The following CYREN variants were observed in gnomAD, a reference collection of about 807,000 sequenced individuals.
CYREN encodes cell cycle regulator of NHEJ, also known as cell cycle regulator of non-homologous end joining.
A neutral mutation model predicts 9.7 loss-of-function variants in CYREN; 7 were observed. The observed-to-expected ratio is 0.72, with a 90% confidence interval of 0.41 to 1.36. The LOEUF (loss-of-function observed/expected upper bound fraction) is 1.36, where lower values mean the gene tolerates loss of function less well. Ranked by LOEUF, CYREN falls within the 40% of genes most tolerant of loss-of-function variation. CYREN has a pLI of 0.01. For synonymous variants in CYREN, 76 were observed against 77.9 expected, an observed-to-expected ratio of 0.98 and a Z score of 0.13; for missense variants, 215 against 198.1, an observed-to-expected ratio of 1.09 and a Z score of -0.51.
Position 135,168,919 on chromosome 7 carries a change from C to T in CYREN, c.4G>A (p.Glu2Lys), listed in dbSNP as rs780210427. M[E>K]TLQSETKTRV... ...GTTTTAGTCTCGGATTGTAAGGTTT[C>T]CATCTCTGTACCTTCTCACAAAGAA... The change falls in exon 2 of 4, where the codon GAA (glutamate) becomes AAA (lysine). Residue 2 changes from glutamate to lysine, a missense_variant. By Grantham distance (56) the Glu-to-Lys change is moderately conservative. Coordinates refer to ENST00000393114, the MANE Select transcript of CYREN (RefSeq NM_024033.4). 1 of 1,604,604 alleles carries T rather than the reference C, an allele frequency of 6.2e-7. No individual in the cohort carries two copies. Among genetic ancestry groups the T allele is most frequent in the African/African-American group, 1.3e-5 (1 of 74,486 alleles).
chr7:135,101,951 A>G (rs1329613126), intron 2 of CYREN, among the ~76,000 whole-genome samples: 5 of 152,222 alleles, frequency 3.3e-5, no homozygotes, highest in African/African-American at 1.2e-4. Flanking sequence ...TGGTTTTATA[A>G]GGGGTTTCCG....
chr7:135,121,552 GA>G (rs76824052), intron 2 of CYREN, among the ~76,000 whole-genome samples: 627 of 123,540 alleles, frequency 5.1e-3, no homozygotes, highest in East Asian at 0.016. Context: ...AGGGTAATAG[GA>G]AAAAAAAAAA....
At chr7:135,152,358 A>T (rs2117429153) in intron 2 of CYREN, among the ~76,000 whole-genome samples, 1 of 152,358 alleles carries the variant, frequency 6.6e-6, no homozygotes, top group South Asian at 2.1e-4. Flanking sequence ...GAGTTAATGC[A>T]CGTAAAGGGC....
At chr7:135,171,311 T>TTG (rs1432000566), upstream of CYREN, among the ~76,000 whole-genome samples, 1 of 12,876 alleles carries the variant, frequency 7.8e-5, no homozygotes, top group East Asian at 0.015. Context: ...CAGTACCTGT[T>TTG]TTTTTTTTTT....
chr7:135,159,491 T>C (rs1829875635), intron 2 of CYREN, among the ~76,000 whole-genome samples: 1 of 152,218 alleles, frequency 6.6e-6, no homozygotes, highest in African/African-American at 2.4e-5. Context: ...AACTAGGAAT[T>C]TGTATCGCCT....
chr7:135,163,720 A>C (rs73444206), downstream of CYREN, among the ~76,000 whole-genome samples: 2,881 of 152,348 alleles, frequency 0.019, 102 homozygotes, highest in African/African-American at 0.065. Flanking sequence ...AATATGTATT[A>C]GTTTTTAAAG....
At chr7:135,103,663 G>A (rs772634923) in intron 2 of CYREN, among the ~76,000 whole-genome samples, 1 of 152,106 alleles carries the variant, frequency 6.6e-6, no homozygotes, top group South Asian at 2.1e-4. Context: ...ACTGAGAGGG[G>A]AATAATAGAT....
At chr7:135,108,238 G>A (rs923702042) in intron 2 of CYREN, among the ~76,000 whole-genome samples, 1 of 152,128 alleles carries the variant, frequency 6.6e-6, no homozygotes, top group Admixed American at 6.6e-5. Context: ...TGATATGTGT[G>A]GATTTGATCC....
intron 2 of CYREN, among the ~76,000 whole-genome samples, chr7:135,141,242 T>C (rs11977188): frequency 0.052 from 7,865 of 152,210 alleles, 264 homozygotes; most frequent in Non-Finnish European, 0.08. Context: ...GAACTTGTTA[T>C]AGTATGTTCA....
downstream of CYREN, chr7:135,164,687 G>T (rs755720350): frequency 1.2e-5 from 19 of 1,614,042 alleles, no homozygotes; most frequent in Non-Finnish European, 1.4e-5. Context: ...GCCTGGGCCT[G>T]GCCAGGCTTG....
Position 135,096,557 on chromosome 7 carries a change from A to AT in CYREN, n.357-1976_357-1975insA, listed in dbSNP as rs1428931614. Among the ~76,000 whole-genome samples the AT allele has an allele frequency of 3.4e-3, 246 of 72,726 alleles. 3 individuals carry two copies. Among genetic ancestry groups the AT allele is most frequent in the African/African-American group, 9.9e-3 (204 of 20,560 alleles). The allele number at this position is 72,726 out of a possible 152,430, so 47.7% of individuals were successfully genotyped here. On this transcript the variant is annotated intron_variant and non_coding_transcript_variant, in intron 2 of 2. Coordinates refer to the CYREN transcript ENST00000459937. ...CAAAAAGAAAAAGAAAGAAAGAAAGAAAGATAGATAGATAGATAGATAGAT... is the reference window on the plus strand; with the variant it reads ...CAAAAAGAAAAAGAAAGAAAGAAAGATAAGATAGATAGATAGATAGATAGAT...
In CYREN at chr7:135,095,217, G is replaced by C. The variant is rs143716835; in HGVS notation, n.357-635C>G. Among the ~76,000 whole-genome samples the C allele has an allele frequency of 1.0e-2, 1,516 of 152,202 alleles. 25 individuals carry two copies. The highest frequency in any genetic ancestry group is 0.035 in the African/African-American group (1,446 of 41,510). On this transcript the variant is annotated intron_variant and non_coding_transcript_variant, in intron 2 of 2. Coordinates refer to the CYREN transcript ENST00000459937. Reference sequence around the variant, plus strand: ...AGAAAAGCTAAGAAACACTTATTAAGGTCATAGCCCAGGAACACAGGCCCA... The same window carrying C: ...AGAAAAGCTAAGAAACACTTATTAACGTCATAGCCCAGGAACACAGGCCCA...
intron 2 of CYREN, among the ~76,000 whole-genome samples, chr7:135,137,650 A>G (rs531347373): frequency 4.6e-5 from 7 of 152,252 alleles, no homozygotes; most frequent in African/African-American, 1.4e-4. Context: ...ACATCTCTTC[A>G]GAAACCATGC....
intron 2 of CYREN, among the ~76,000 whole-genome samples, chr7:135,134,071 G>A (rs1170040892): frequency 6.6e-6 from 1 of 152,086 alleles, no homozygotes. Context: ...AGGAATTAAG[G>A]AGGGGATGGG....
intron 2 of CYREN, chr7:135,148,183 C>G: frequency 2.3e-6 from 1 of 431,596 alleles, no homozygotes; most frequent in Non-Finnish European, 4.6e-6. Flanking sequence ...CATTAGAAAG[C>G]CAGCGAGAAG....
At chr7:135,144,134 G>A (rs938161836) in intron 2 of CYREN, among the ~76,000 whole-genome samples, 1 of 152,192 alleles carries the variant, frequency 6.6e-6, no homozygotes, top group Admixed American at 6.5e-5. Flanking sequence ...ATAAGGCAAA[G>A]GTTCAGTGGG....
rs544809297 is a variant in CYREN at position 135,121,781 on chromosome 7, G to A, written n.357-27199C>T. 3.6e-4 allele frequency among the ~76,000 whole-genome samples: 54 copies of A among 152,060 alleles called. 1 individual carries two copies. In the South Asian group the frequency reaches 0.011, roughly 31 times the overall value. On this transcript the variant is annotated intron_variant and non_coding_transcript_variant, in intron 2 of 2. Coordinates refer to the CYREN transcript ENST00000459937. ...AGAGGAAGAACAGTGTAGTGCAGTG[G>A]CCCACCTGAGAGCCACACAGGGCAG...
chr7:135,172,309 G>A (rs992282385), upstream of CYREN, among the ~76,000 whole-genome samples: 7 of 152,204 alleles, frequency 4.6e-5, no homozygotes, highest in African/African-American at 1.7e-4. Context: ...GACTTGAATT[G>A]CTGGATACTT....
rs1200882762 is a variant in CYREN at position 135,170,681 on chromosome 7, G to A, written c.-168C>T. The A allele has an allele frequency of 6.6e-6, 1 of 152,302 alleles. No individual in the cohort carries two copies. The highest frequency in any genetic ancestry group is 1.5e-5 in the Non-Finnish European group (1 of 68,132). 9.4% of individuals were successfully genotyped at this position (152,302 alleles called of 1,614,324 possible). A position where few individuals can be genotyped will look rare whatever the true frequency, so the allele number is the denominator to read the frequency against. On this transcript the variant is annotated 5_prime_UTR_variant, in exon 1 of 4. Coordinates refer to ENST00000393114, the MANE Select transcript of CYREN (RefSeq NM_024033.4). ...AACTTTAAGCCCTGCCGTCTCGCCTGGCGCCCAAACTCTGCGGACCTCCAC... is the reference window on the plus strand; with the variant it reads ...AACTTTAAGCCCTGCCGTCTCGCCTAGCGCCCAAACTCTGCGGACCTCCAC...
Sources: allele counts gnomAD v4.1 joint callset (sites outside exome capture counted in the v4.1 genomes callset), GRCh38; gene constraint gnomAD v4.1.1; transcripts MANE v1.5; gene names NCBI Gene and HGNC (gene_info 2026-07-23, HGNC 2026-07-21).